VPS13B: variants seen among roughly 807,000 people sequenced by gnomAD.
The protein encoded by VPS13B is intermembrane lipid transfer protein VPS13B.
In VPS13B, 285 loss-of-function variants were observed where a neutral mutation model predicts 426.4. The observed-to-expected ratio is 0.67, with a 90% CI of 0.61 to 0.74. VPS13B has a LOEUF of 0.74. Ranked by LOEUF, VPS13B falls within the 30% of genes least tolerant of loss-of-function variation. The probability of loss-of-function intolerance (pLI) is 0.00; values close to 1 mark genes in which losing one functional copy is unlikely to be tolerated. For missense variants in VPS13B, 4,537 were observed against 4,782.6 expected, an observed-to-expected ratio of 0.95 and a Z score of 1.51; for synonymous variants, 1,676 against 1,676.4, an observed-to-expected ratio of 1.00 and a Z score of 0.01.
rs1419927739 is a variant in VPS13B at position 99,853,870 on chromosome 8, T to C, written c.10481T>C (p.Ile3494Thr). 2 of 1,614,148 alleles carry C rather than the reference T, an allele frequency of 1.2e-6. No homozygotes were observed. Among genetic ancestry groups the C allele is most frequent in the Admixed American group, 1.7e-5 (1 of 60,016 alleles). ...LNEGKSILCD[I>T]NEFSFELKPA... is the part of the protein sequence containing the mutation. ...GAAGGCAAGAGCATCCTCTGTGATA[T>C]TAATGAGTTCAGCTTTGAATTAAAA... is the stretch of plus-strand genomic sequence containing the variant. The change falls in exon 56 of 62, where the codon ATT becomes ACT. Residue 3494 changes from isoleucine (I) to threonine (T), a missense_variant. By Grantham distance (89) the Ile-to-Thr change is moderately conservative. Transcript: ENST00000357162.
chr8:99,350,796 A>G (rs2133210503), intron 19 of VPS13B, among the ~76,000 whole-genome samples: 1 of 151,740 alleles, frequency 6.6e-6, no homozygotes, highest in East Asian at 1.9e-4. Flanking sequence ...TAATTATAAT[A>G]TGTATATATA....
At chr8:99,715,344 G>A (rs1029852033) in intron 36 of VPS13B, among the ~76,000 whole-genome samples, 4 of 152,186 alleles carry the variant, frequency 2.6e-5, no homozygotes, top group Non-Finnish European at 5.9e-5. Context: ...GCTGGTCCTT[G>A]CCTCCAGCAT....
intron 17 of VPS13B, chr8:99,232,978 T>G: frequency 1.4e-6 from 1 of 712,712 alleles, no homozygotes; most frequent in Non-Finnish European, 2.5e-6. Flanking sequence ...GCTGGCTGTG[T>G]TTGGTCTCAT....
rs750289763 is a variant in VPS13B at position 99,763,135 on chromosome 8, C to CAA, written c.7051-3610_7051-3609dup. 2.7e-3 allele frequency among the ~76,000 whole-genome samples: 96 copies of CAA among 35,818 alleles called. 3 individuals carry two copies. The highest frequency in any genetic ancestry group is 3.8e-3 in the Non-Finnish European group (72 of 19,108). 23.5% of individuals were successfully genotyped at this position (35,818 alleles called of 152,430 possible). On this transcript the variant is annotated intron_variant, in intron 39 of 61. Coordinates refer to ENST00000357162, the MANE Select transcript of VPS13B (RefSeq NM_152564.5). ...TGGGCAACAGAGTGAGACCTTGTCT[C>CAA]AAAAAAAAAAAAAAAAAAAAAAAAA... is the stretch of plus-strand genomic sequence containing the variant.
At chr8:99,798,979 ATGT>A (rs547403117) in intron 43 of VPS13B, 9 of 152,206 alleles carry the variant, frequency 5.9e-5, no homozygotes, top group African/African-American at 1.9e-4. Flanking sequence ...AGCATACATA[ATGT>A]TGTTGTCTTT....
intron 16 of VPS13B, among the ~76,000 whole-genome samples, chr8:99,190,793 A>T (rs539089233): frequency 1.2e-4 from 18 of 152,054 alleles, no homozygotes; most frequent in Non-Finnish European, 2.4e-4. Flanking sequence ...TTAAACAGTT[A>T]ATTCTTAATC....
intron 54 of VPS13B, among the ~76,000 whole-genome samples, chr8:99,846,655 A>C (rs1462586196): frequency 2.0e-5 from 3 of 152,224 alleles, no homozygotes; most frequent in Non-Finnish European, 4.4e-5. Flanking sequence ...GACAACAAGC[A>C]AAAATTTCCC....
At chr8:99,409,756 C>T (rs767755344) in intron 21 of VPS13B, among the ~76,000 whole-genome samples, 4 of 152,040 alleles carry the variant, frequency 2.6e-5, no homozygotes, top group Non-Finnish European at 5.9e-5. Flanking sequence ...TACATGCTGG[C>T]GTCATAATAG....
At chr8:99,521,360 T>C (rs1822372269) in intron 30 of VPS13B, among the ~76,000 whole-genome samples, 1 of 152,230 alleles carries the variant, frequency 6.6e-6, no homozygotes, top group Non-Finnish European at 1.5e-5. Context: ...AGTCATGTTG[T>C]ATCAAAGTGA....
intron 34 of VPS13B, among the ~76,000 whole-genome samples, chr8:99,651,426 A>G (rs960900410): frequency 6.6e-6 from 1 of 152,122 alleles, no homozygotes; most frequent in African/African-American, 2.4e-5. Flanking sequence ...TAATATTAAT[A>G]ATCTACTTCA....
chr8:99,416,823 T>C (rs529891983), intron 21 of VPS13B, among the ~76,000 whole-genome samples: 2 of 152,326 alleles, frequency 1.3e-5, no homozygotes, highest in East Asian at 3.9e-4. Flanking sequence ...CCTTCTGCAC[T>C]GATCTCGCTG....
At chr8:99,484,136 A>T (rs1211145419) in intron 25 of VPS13B, among the ~76,000 whole-genome samples, 2 of 152,134 alleles carry the variant, frequency 1.3e-5, no homozygotes, top group African/African-American at 4.8e-5. Context: ...TACTAGAAGA[A>T]TAGTATCTTC....
chr8:99,314,256 C>T (rs186249925), intron 19 of VPS13B, among the ~76,000 whole-genome samples: 132 of 152,244 alleles, frequency 8.7e-4, no homozygotes, highest in Non-Finnish European at 1.4e-3. Context: ...TCTTCTGCGT[C>T]GCTCATGCTG....
intron 54 of VPS13B, among the ~76,000 whole-genome samples, chr8:99,836,766 G>T (rs1815414609): frequency 1.3e-5 from 2 of 152,120 alleles, no homozygotes; most frequent in Admixed American, 1.3e-4. Context: ...AATAATAATG[G>T]TTATCATTGA....
chr8:99,286,659 G>C (rs1039870773), intron 19 of VPS13B, among the ~76,000 whole-genome samples: 1 of 152,146 alleles, frequency 6.6e-6, no homozygotes, highest in East Asian at 1.9e-4. Flanking sequence ...GAGTAACATA[G>C]AGTCAGAATC....
chr8:99,776,718 CAT>C, intron 40 of VPS13B, 55 bp from the exon 41 acceptor site: 1 of 1,540,622 alleles, frequency 6.5e-7, no homozygotes, highest in South Asian at 1.1e-5. Context: ...ACGTTTCACT[CAT>C]ATAATATTGG....
rs1367039899 is a variant in VPS13B, at chr8:99,640,016, T to TAAG, written c.5221-1793_5221-1792insGAA. On this transcript the variant is annotated intron_variant, in intron 33 of 61. Transcript: ENST00000357162. Reference sequence around the variant, plus strand: ...ATAATAATAATAATAATAATAATAATAATAATAATAAGAAGAAGAAGAAGA... The same window carrying TAAG: ...ATAATAATAATAATAATAATAATAATAAGAATAATAATAAGAAGAAGAAGAAGA... 4.2e-3 allele frequency among the ~76,000 whole-genome samples: 306 copies of TAAG among 72,436 alleles called. 4 individuals are homozygous for TAAG. The highest frequency in any genetic ancestry group is 0.011 in the Middle Eastern group (2 of 186). 47.5% of individuals were successfully genotyped at this position (72,436 alleles called of 152,430 possible).
At chr8:99,869,608 ACACTCTCC>A (rs1817288589) in intron 59 of VPS13B, among the ~76,000 whole-genome samples, 1 of 152,180 alleles carries the variant, frequency 6.6e-6, no homozygotes, top group African/African-American at 2.4e-5. Flanking sequence ...GAGAAAAGTT[ACACTCTCC>A]CTTATGATAG....
At chr8:99,263,571 C>T (rs1156946374) in intron 17 of VPS13B, among the ~76,000 whole-genome samples, 1 of 152,132 alleles carries the variant, frequency 6.6e-6, no homozygotes, top group Non-Finnish European at 1.5e-5. Context: ...ATTCCTTGGC[C>T]TGTGACCCCC....
Sources: gnomAD v4.1 joint callset for allele counts (sites outside exome capture counted in the v4.1 genomes callset) on GRCh38, gnomAD v4.1.1 for gene constraint, MANE v1.5 for transcripts, NCBI Gene and HGNC (gene_info 2026-07-23, HGNC 2026-07-21) for gene names.